The following FAM117A variants were observed in gnomAD, a reference collection of about 807,000 sequenced individuals.
The protein encoded by FAM117A is protein FAM117A.
Under a neutral mutation model 44.1 loss-of-function variants are expected in FAM117A, and 21 were observed. The observed-to-expected ratio is 0.48, with a 90% CI of 0.34 to 0.69. The LOEUF (loss-of-function observed/expected upper bound fraction) is 0.69, where lower values mean the gene tolerates loss of function less well. FAM117A is among the 30% of genes least tolerant of loss of function. The probability of loss-of-function intolerance (pLI) is 0.01; values close to 1 mark genes in which losing one functional copy is unlikely to be tolerated. For synonymous variants in FAM117A, 220 were observed against 238.3 expected, an observed-to-expected ratio of 0.92 and a Z score of 0.71; for missense variants, 498 against 589.9, an observed-to-expected ratio of 0.84 and a Z score of 1.61.
At chr17:49,727,444 G>A (rs1284491621) in intron 2 of FAM117A, among the ~76,000 whole-genome samples, 1 of 152,126 alleles carries the variant, frequency 6.6e-6, no homozygotes. Context: ...TTTGTCAGGG[G>A]GAGTCATGCA....
At chr17:49,761,742 C>T (rs1317437988) in intron 1 of FAM117A, among the ~76,000 whole-genome samples, 4 of 152,184 alleles carry the variant, frequency 2.6e-5, no homozygotes, top group Non-Finnish European at 5.9e-5. Flanking sequence ...AATGTGAACA[C>T]GTATGTGGGC....
intron 1 of FAM117A, among the ~76,000 whole-genome samples, chr17:49,758,763 G>C (rs1437421596): frequency 2.0e-5 from 3 of 152,152 alleles, no homozygotes; most frequent in African/African-American, 7.2e-5. Context: ...AGTCAAACGT[G>C]ATAGTGTCAG....
intron 1 of FAM117A, among the ~76,000 whole-genome samples, chr17:49,787,296 G>C (rs1299688439): frequency 6.6e-6 from 1 of 152,202 alleles, no homozygotes; most frequent in Non-Finnish European, 1.5e-5. Flanking sequence ...TGCTTAAGTG[G>C]TGAGAAGTAA....
chr17:49,713,994 G>T (rs1379256566), intron 7 of FAM117A, among the ~76,000 whole-genome samples: 1 of 152,064 alleles, frequency 6.6e-6, no homozygotes, highest in Non-Finnish European at 1.5e-5. Flanking sequence ...ATGGAGAAGG[G>T]TTTAAAAGAG....
At chr17:49,734,295 A>G (rs1017649851) in intron 1 of FAM117A, among the ~76,000 whole-genome samples, 1 of 151,944 alleles carries the variant, frequency 6.6e-6, no homozygotes, top group Admixed American at 6.6e-5. Flanking sequence ...AGAACTTTAT[A>G]TTAAAAAGAC....
chr17:49,720,150 G>A, intron 4 of FAM117A, 176 bp downstream of exon 4: 1 of 667,280 alleles, frequency 1.5e-6, no homozygotes, highest in South Asian at 1.9e-5. Context: ...GGGAGATTCA[G>A]AACGGCAAGA....
intron 1 of FAM117A, among the ~76,000 whole-genome samples, chr17:49,751,286 A>G (rs1264191174): frequency 6.6e-6 from 1 of 151,300 alleles, no homozygotes; most frequent in Non-Finnish European, 1.5e-5. Context: ...CTCCAAAAAA[A>G]AAAAAAAAAA....
chr17:49,729,142 C>T (rs562972965), intron 2 of FAM117A, among the ~76,000 whole-genome samples: 31 of 152,350 alleles, frequency 2.0e-4, no homozygotes, highest in African/African-American at 7.2e-4. Flanking sequence ...ATAGCATGCC[C>T]GGCTATCTAG....
chr17:49,741,073 C>T (rs1245669527), intron 1 of FAM117A, among the ~76,000 whole-genome samples: 2 of 152,058 alleles, frequency 1.3e-5, no homozygotes, highest in African/African-American at 4.8e-5. Flanking sequence ...GAAATAAAGA[C>T]AGGGCTACTC....
At chr17:49,735,312 C>G (rs978554020) in intron 1 of FAM117A, among the ~76,000 whole-genome samples, 3 of 152,006 alleles carry the variant, frequency 2.0e-5, no homozygotes, top group East Asian at 1.9e-4. Context: ...ATTGCTTGAA[C>G]CCGGGAAGCG....
intron 1 of FAM117A, among the ~76,000 whole-genome samples, chr17:49,752,087 C>A (rs759979083): frequency 3.3e-5 from 5 of 151,826 alleles, no homozygotes; most frequent in African/African-American, 1.2e-4. Flanking sequence ...GAGATCCCAT[C>A]TCTATTAAAA....
chr17:49,779,326 C>T (rs546777473), intron 1 of FAM117A, among the ~76,000 whole-genome samples: 9 of 152,344 alleles, frequency 5.9e-5, no homozygotes, highest in Admixed American at 5.2e-4. Flanking sequence ...GGAAGGAGAA[C>T]AGTCATGACG....
chr17:49,735,464 G>C (rs2143741455), intron 1 of FAM117A, among the ~76,000 whole-genome samples: 1 of 151,920 alleles, frequency 6.6e-6, no homozygotes. Flanking sequence ...TTTTGCCATA[G>C]TTGTAATCAG....
upstream of FAM117A, among the ~76,000 whole-genome samples, chr17:49,768,565 G>C (rs1386703220): frequency 6.6e-6 from 1 of 152,014 alleles, no homozygotes; most frequent in East Asian, 1.9e-4. Flanking sequence ...GTCTCTTTCC[G>C]ACCTACCTCC....
At chr17:49,713,606 A>G (rs1250058727) in intron 7 of FAM117A, among the ~76,000 whole-genome samples, 1 of 152,022 alleles carries the variant, frequency 6.6e-6, no homozygotes, top group Admixed American at 6.5e-5. Context: ...TCCTGGGCTC[A>G]AGCAATTCTC....
At chr17:49,730,838 A>T (rs372507030) in intron 2 of FAM117A, among the ~76,000 whole-genome samples, 38 of 152,286 alleles carry the variant, frequency 2.5e-4, no homozygotes, top group African/African-American at 8.9e-4. Context: ...TGTAGATCCA[A>T]AGAGGGCCAT....
chr17:49,771,291 T>C (rs2073760281), intron 1 of FAM117A, among the ~76,000 whole-genome samples: 1 of 152,160 alleles, frequency 6.6e-6, no homozygotes, highest in Non-Finnish European at 1.5e-5. Flanking sequence ...AATCAAGCTG[T>C]TTTGAAAAAC....
intron 1 of FAM117A, among the ~76,000 whole-genome samples, chr17:49,751,764 G>A (rs1390971880): frequency 6.7e-6 from 1 of 148,990 alleles, no homozygotes; most frequent in Non-Finnish European, 1.5e-5. Flanking sequence ...CAATAATGGT[G>A]AAACCCTGTC....
intron 1 of FAM117A, among the ~76,000 whole-genome samples, chr17:49,748,711 C>G (rs1350895045): frequency 6.6e-6 from 1 of 152,180 alleles, no homozygotes. Context: ...AGGATGCACT[C>G]TAAAACTAAA....
Sources: allele counts gnomAD v4.1 joint callset (sites outside exome capture counted in the v4.1 genomes callset), GRCh38; gene constraint gnomAD v4.1.1; transcripts MANE v1.5; gene names NCBI Gene and HGNC (gene_info 2026-07-23, HGNC 2026-07-21).